The following MAGI1 variants were observed in gnomAD, a reference collection of about 807,000 sequenced individuals.
MAGI1 encodes the protein membrane associated guanylate kinase, WW and PDZ domain containing 1.
A neutral mutation model predicts 139.9 loss-of-function variants in MAGI1; 58 were observed. That is an observed-to-expected ratio of 0.41 (90% confidence interval 0.34 to 0.52). The LOEUF is 0.52. Among genes scored for constraint, MAGI1 ranks in the 20% least tolerant of loss-of-function variants. The pLI is 0.12. For missense variants in MAGI1, 1,874 were observed against 1,901.6 expected (o/e 0.99, Z 0.27); for synonymous variants, 812 against 737.9 (o/e 1.10, Z -1.63).
intron 10 of MAGI1, among the ~76,000 whole-genome samples, chr3:65,436,668 A>G (rs1947878305): frequency 6.6e-6 from 1 of 152,152 alleles, no homozygotes; most frequent in Non-Finnish European, 1.5e-5. Context: ...TATCTTTTTT[A>G]ACATACTATT....
At chr3:65,645,195 T>C (rs1258912829) in intron 1 of MAGI1, among the ~76,000 whole-genome samples, 1 of 151,554 alleles carries the variant, frequency 6.6e-6, no homozygotes, top group African/African-American at 2.4e-5. Context: ...TATATAAAAA[T>C]AGAGGTTCAA....
At chr3:65,977,326 G>C (rs570732728) in intron 1 of MAGI1, among the ~76,000 whole-genome samples, 1 of 152,262 alleles carries the variant, frequency 6.6e-6, no homozygotes, top group South Asian at 2.1e-4. Flanking sequence ...AACACACTTA[G>C]GTACAGGTAA....
At chr3:65,728,247 T>C (rs2033823877) in intron 1 of MAGI1, among the ~76,000 whole-genome samples, 1 of 151,906 alleles carries the variant, frequency 6.6e-6, no homozygotes, top group Non-Finnish European at 1.5e-5. Flanking sequence ...TGCTTTGAGA[T>C]GGAAATGAGC....
intron 1 of MAGI1, among the ~76,000 whole-genome samples, chr3:65,820,871 G>A (rs561915475): frequency 3.2e-4 from 48 of 152,240 alleles, no homozygotes; most frequent in African/African-American, 1.1e-3. Context: ...CAGGAAAGAA[G>A]GTGGTACCCT....
chr3:65,573,677 G>C (rs534888156), intron 2 of MAGI1, among the ~76,000 whole-genome samples: 4 of 152,102 alleles, frequency 2.6e-5, no homozygotes, highest in Admixed American at 2.6e-4. Flanking sequence ...CTAAAATTGA[G>C]AACAAGAATA....
At chr3:65,831,234 C>G (rs1444886756) in intron 1 of MAGI1, among the ~76,000 whole-genome samples, 1 of 152,214 alleles carries the variant, frequency 6.6e-6, no homozygotes, top group Non-Finnish European at 1.5e-5. Context: ...GCAAGTGTCA[C>G]TTCCCCAACA....
intron 1 of MAGI1, among the ~76,000 whole-genome samples, chr3:65,649,873 A>G (rs1350546918): frequency 6.6e-6 from 1 of 152,174 alleles, no homozygotes; most frequent in Non-Finnish European, 1.5e-5. Context: ...TAGGATACAG[A>G]AAGCTGGATC....
At chr3:65,381,155 AG>A (rs772936892) in intron 16 of MAGI1, among the ~76,000 whole-genome samples, 82 of 152,180 alleles carry the variant, frequency 5.4e-4, no homozygotes, top group Admixed American at 2.0e-3. Context: ...TTCAAGGGAA[AG>A]GACAAACACT....
At chr3:65,723,507 A>G (rs2033279022) in intron 1 of MAGI1, among the ~76,000 whole-genome samples, 1 of 151,826 alleles carries the variant, frequency 6.6e-6, no homozygotes, top group Non-Finnish European at 1.5e-5. Context: ...GCAGTTTTCA[A>G]AGTTTCAGGA....
At chr3:66,000,685 GGGGCA>G (rs2066696484) in intron 1 of MAGI1, among the ~76,000 whole-genome samples, 1 of 152,242 alleles carries the variant, frequency 6.6e-6, no homozygotes, top group African/African-American at 2.4e-5. Flanking sequence ...CCCCCATGGT[GGGGCA>G]GGACTCAGCA....
Position 65,379,627 on chromosome 3 carries a change from C to A in MAGI1, c.2702-73G>T, listed in dbSNP as rs1207171370. ...CCATCCTGCTGCCCCTCCCTCCTTCCAGCAACTCCTGCTAGAAATCAAAAC... is the reference window on the plus strand; with the variant it reads ...CCATCCTGCTGCCCCTCCCTCCTTCAAGCAACTCCTGCTAGAAATCAAAAC... On this transcript the variant is annotated intron_variant, in intron 16 of 22. Coordinates refer to ENST00000402939, the MANE Select transcript of MAGI1 (RefSeq NM_001033057.2). 3 of 1,541,916 alleles carry A rather than the reference C, an allele frequency of 1.9e-6. No individual in the cohort carries two copies. The East Asian group carries it at 6.8e-5, about 35-fold the overall frequency.
intron 2 of MAGI1, among the ~76,000 whole-genome samples, chr3:65,523,733 A>T (rs1446547611): frequency 6.6e-6 from 1 of 152,160 alleles, no homozygotes; most frequent in Non-Finnish European, 1.5e-5. Flanking sequence ...TTAAGAAAGA[A>T]TTTTTCTCTC....
chr3:65,463,791 C>G (rs1008623651), intron 5 of MAGI1, among the ~76,000 whole-genome samples: 3 of 152,062 alleles, frequency 2.0e-5, no homozygotes, highest in Non-Finnish European at 4.4e-5. Context: ...TTAATTACTG[C>G]CTCAATTTCA....
chr3:65,936,050 C>A (rs536368505), intron 1 of MAGI1, among the ~76,000 whole-genome samples: 1 of 152,252 alleles, frequency 6.6e-6, no homozygotes, highest in South Asian at 2.1e-4. Context: ...GCTACTAAGC[C>A]TGGGGGCTTT....
At chr3:65,482,836 A>G (rs1296041176) in intron 3 of MAGI1, among the ~76,000 whole-genome samples, 3 of 152,230 alleles carry the variant, frequency 2.0e-5, no homozygotes, top group Admixed American at 6.5e-5. Context: ...CTGTTTGACA[A>G]ACTGTAAAGT....
chr3:65,982,421 G>C (rs1270342135), intron 1 of MAGI1, among the ~76,000 whole-genome samples: 1 of 152,168 alleles, frequency 6.6e-6, no homozygotes, highest in Non-Finnish European at 1.5e-5. Flanking sequence ...TTCTCACCAG[G>C]GAAATGCTTC....
intron 2 of MAGI1, among the ~76,000 whole-genome samples, chr3:65,551,023 T>A (rs1402826618): frequency 6.6e-6 from 1 of 152,132 alleles, no homozygotes; most frequent in African/African-American, 2.4e-5. Context: ...CCAAATCTCA[T>A]CTGGAATTGT....
intron 2 of MAGI1, among the ~76,000 whole-genome samples, chr3:65,592,143 A>T (rs980075096): frequency 2.0e-5 from 3 of 152,222 alleles, no homozygotes; most frequent in Admixed American, 1.3e-4. Flanking sequence ...AAAGATTGTT[A>T]AATAAATACT....
At chr3:65,400,059 T>A (rs1944729804) in intron 13 of MAGI1, among the ~76,000 whole-genome samples, 1 of 152,090 alleles carries the variant, frequency 6.6e-6, no homozygotes, top group Admixed American at 6.6e-5. Context: ...ATGAGACACA[T>A]CTTCTGGATT....
Sources: allele counts gnomAD v4.1 joint callset (sites outside exome capture counted in the v4.1 genomes callset), GRCh38; gene constraint gnomAD v4.1.1; transcripts MANE v1.5; gene names NCBI Gene and HGNC (gene_info 2026-07-23, HGNC 2026-07-21).